Variants in SNUPN observed in about 807,000 individuals in gnomAD.
SNUPN encodes the protein snurportin 1.
Under a neutral mutation model 39.2 loss-of-function variants are expected in SNUPN, and 31 were observed. That is an observed-to-expected ratio of 0.79 (90% confidence interval 0.59 to 1.07). The LOEUF (loss-of-function observed/expected upper bound fraction) is 1.07. Among genes scored for constraint, SNUPN ranks in the 50% least tolerant of loss-of-function variants. The pLI, the probability that SNUPN is intolerant of heterozygous loss-of-function variation, is 0.00. For synonymous variants in SNUPN, 132 were observed against 159.0 expected (o/e 0.83, Z 1.28); for missense variants, 382 against 434.2 (o/e 0.88, Z 1.07).
At chr15:75,616,408 C>T (rs765209960) in intron 3 of SNUPN, among the ~76,000 whole-genome samples, 2 of 151,512 alleles carry the variant, frequency 1.3e-5, no homozygotes, top group African/African-American at 2.4e-5. Flanking sequence ...CAGTGAGCCA[C>T]GATCGTACCA....
At chr15:75,624,647 TG>T in intron 1 of SNUPN, 1 of 1,036,266 alleles carries the variant, frequency 9.7e-7, no homozygotes, top group Non-Finnish European at 1.2e-6. Flanking sequence ...CACTCCAGCC[TG>T]GACTTCGTCT....
Position 75,605,330 on chromosome 15 carries a change from G to A in SNUPN, c.601-103C>T, listed in dbSNP as rs2075322828. On this transcript the variant is annotated intron_variant, in intron 6 of 8. Coordinates refer to ENST00000308588, the MANE Select transcript of SNUPN (RefSeq NM_005701.4). ...ATTTTTTTTTTTTTTTTTTTGAGATGGAGTGTTGCTCTGTCACCCAGGCTG... is the reference window on the plus strand; with the variant it reads ...ATTTTTTTTTTTTTTTTTTTGAGATAGAGTGTTGCTCTGTCACCCAGGCTG... 10 of 647,066 alleles carry A rather than the reference G, an allele frequency of 1.5e-5. No individual in the cohort carries two copies. In the South Asian group the frequency reaches 1.7e-4, roughly 11 times the overall value. The allele number at this position is 647,066 out of a possible 1,614,324, so 40.1% of individuals were successfully genotyped here. A position where few individuals can be genotyped will look rare whatever the true frequency, so the allele number is the denominator to read the frequency against.
In SNUPN at chr15:75,598,176, C is replaced by T; in HGVS notation, c.*182G>A. On this transcript the variant is annotated 3_prime_UTR_variant, in exon 9 of 9. Transcript: ENST00000308588. ...CAAATCAATCTGAATGCTACGCAAT[C>T]TGGGAACCTCCCCATAACTGTTTGA... is the stretch of plus-strand genomic sequence containing the variant. 1 of 573,194 alleles carries T rather than the reference C, an allele frequency of 1.7e-6. No individual in the cohort carries two copies. Among genetic ancestry groups the T allele is most frequent in the South Asian group, 2.4e-5 (1 of 41,338 alleles). The allele number at this position is 573,194 out of a possible 1,614,324, so 35.5% of individuals were successfully genotyped here.
At chr15:75,625,906 T>G (rs2141384533), upstream of SNUPN, 1 of 152,566 alleles carries the variant, frequency 6.6e-6, no homozygotes, top group Non-Finnish European at 1.5e-5. Flanking sequence ...GGAGGGGGTC[T>G]TCTTGCATTT....
chr15:75,621,226 A>G (rs1364506092), intron 1 of SNUPN, among the ~76,000 whole-genome samples, 170 bp from the exon 2 acceptor site: 3 of 151,518 alleles, frequency 2.0e-5, no homozygotes, highest in South Asian at 2.1e-4. Context: ...AATGAGTCAT[A>G]TATTAGCAAT....
chr15:75,605,818 C>T (rs1199400714), intron 6 of SNUPN, among the ~76,000 whole-genome samples: 1 of 152,116 alleles, frequency 6.6e-6, no homozygotes, highest in Non-Finnish European at 1.5e-5. Context: ...GGGCAAGGTA[C>T]TTAAGACCTG....
At chr15:75,604,438 A>C (rs2075315745) in intron 7 of SNUPN, among the ~76,000 whole-genome samples, 5 of 152,206 alleles carry the variant, frequency 3.3e-5, no homozygotes. Context: ...CTGGGATTAC[A>C]GGCGTGAGCC....
chr15:75,606,636 G>T (rs55737327), intron 6 of SNUPN, among the ~76,000 whole-genome samples: 1 of 152,058 alleles, frequency 6.6e-6, no homozygotes, highest in African/African-American at 2.4e-5. Context: ...ATAGTAAAAT[G>T]TTGGGGGTAT....
At chr15:75,607,910 G>A (rs901963112) in intron 5 of SNUPN, among the ~76,000 whole-genome samples, 1 of 152,162 alleles carries the variant, frequency 6.6e-6, no homozygotes, top group East Asian at 1.9e-4. Context: ...GGGGAGAAGA[G>A]AGGGCATTTC....
chr15:75,617,611 G>C, intron 2 of SNUPN, 59 bp from the exon 3 acceptor site: 1 of 1,524,468 alleles, frequency 6.6e-7, no homozygotes, highest in South Asian at 1.3e-5. Context: ...TTTTTAGACA[G>C]GGTCTCGCTC....
intron 7 of SNUPN, 49 bp from the exon 8 acceptor site, chr15:75,601,267 G>A: frequency 7.7e-7 from 1 of 1,296,458 alleles, no homozygotes; most frequent in Non-Finnish European, 1.1e-6. Context: ...AATGATACTG[G>A]CCCAAGCAAT....
In SNUPN at chr15:75,621,833, C is replaced by G. The variant is rs542551342; in HGVS notation, c.-5-777G>C. 2.0e-5 allele frequency among the ~76,000 whole-genome samples: 3 copies of G among 148,588 alleles called. No individual in the cohort carries two copies. The South Asian group carries it at 6.4e-4, about 32-fold the overall frequency. ...TGGGTGGATCACAAGGTCAGGAGTT[C>G]GAAACCAGCCTGACCAACATGGTGA... On this transcript the variant is annotated intron_variant, in intron 1 of 8. Coordinates refer to ENST00000308588, the MANE Select transcript of SNUPN (RefSeq NM_005701.4).
chr15:75,620,870 G>C (rs762978491), intron 2 of SNUPN, 24 bp downstream of exon 2: 1 of 1,607,810 alleles, frequency 6.2e-7, no homozygotes. Flanking sequence ...AGAGAAAGAA[G>C]ACAAGGAGTT....
Position 75,598,472 on chromosome 15 carries a change from T to A in SNUPN, c.969A>T (p.Lys323Asn). The change falls in exon 9 of 9, where the codon AAA (lysine) becomes AAT (asparagine). Residue 323 changes from lysine to asparagine, a missense_variant. Physicochemically the swap from Lys to Asn is moderately conservative, Grantham distance 94 (BLOSUM62 0). Coordinates refer to ENST00000308588, the MANE Select transcript of SNUPN (RefSeq NM_005701.4). ...KKSQKEGMKEKLTHKASENGH... is the reference protein window; with the variant it reads ...KKSQKEGMKENLTHKASENGH... ...CATTCTCAGAGGCCTTGTGTGTGAG[T>A]TTCTCCTTCATGCCTTCCTTCTGGC... 2 of 1,613,982 alleles carry A rather than the reference T, an allele frequency of 1.2e-6. No individual in the cohort carries two copies. The highest frequency in any genetic ancestry group is 1.7e-6 in the Non-Finnish European group (2 of 1,179,960).
chr15:75,605,674 A>C (rs961048476), intron 6 of SNUPN, among the ~76,000 whole-genome samples: 2 of 152,216 alleles, frequency 1.3e-5, no homozygotes, highest in Non-Finnish European at 2.9e-5. Context: ...TTTACGTTAT[A>C]AAAATATATT....
At chr15:75,623,961 T>C (rs1209485656) in intron 1 of SNUPN, among the ~76,000 whole-genome samples, 1 of 141,322 alleles carries the variant, frequency 7.1e-6, no homozygotes, top group Non-Finnish European at 1.5e-5. Flanking sequence ...GGAGTCTCGC[T>C]CTGTCGCCCA....
At chr15:75,598,754 A>G (rs2075262384) in intron 8 of SNUPN, 73 bp from the exon 9 acceptor site, 1 of 1,215,446 alleles carries the variant, frequency 8.2e-7, no homozygotes, top group Non-Finnish European at 1.2e-6. Flanking sequence ...CTATACACAC[A>G]AGGGCAGCTC....
intron 3 of SNUPN, 33 bp from the exon 4 acceptor site, chr15:75,610,027 C>G: frequency 2.0e-6 from 3 of 1,507,186 alleles, no homozygotes; most frequent in Non-Finnish European, 2.8e-6. Flanking sequence ...TAAAGATCAG[C>G]AGGGGTGTGC....
At chr15:75,621,124 C>A in intron 1 of SNUPN, 68 bp from the exon 2 acceptor site, 1 of 1,485,342 alleles carries the variant, frequency 6.7e-7, no homozygotes, top group Non-Finnish European at 9.2e-7. Flanking sequence ...GACAGTTATG[C>A]AGTTATGATA....
Sources: allele counts gnomAD v4.1 joint callset (sites outside exome capture counted in the v4.1 genomes callset), GRCh38; gene constraint gnomAD v4.1.1; transcripts MANE v1.5; gene names NCBI Gene and HGNC (gene_info 2026-07-23, HGNC 2026-07-21).